PHLPP2: variants seen among roughly 807,000 people sequenced by gnomAD.
PHLPP2 encodes the protein PH domain and leucine rich repeat protein phosphatase 2, also known as PH domain leucine-rich repeat-containing protein phosphatase 2.
PHLPP2 carries 66 observed loss-of-function variants against 124.9 expected under a neutral mutation model. The ratio of observed to expected loss-of-function variants is 0.53; its 90% CI spans 0.43 to 0.65. PHLPP2 has a LOEUF of 0.65. Ranked by LOEUF, PHLPP2 falls within the 30% of genes least tolerant of loss-of-function variation. The pLI, the probability that PHLPP2 is intolerant of heterozygous loss-of-function variation, is 0.00. For missense variants in PHLPP2, 1,685 were observed against 1,600.4 expected (o/e 1.05, Z -0.90); for synonymous variants, 681 against 624.7 (o/e 1.09, Z -1.34).
chr16:71,676,326 C>T (rs574876713), intron 9 of PHLPP2, 121 bp downstream of exon 9: 141 of 698,590 alleles, frequency 2.0e-4, no homozygotes, highest in Non-Finnish European at 1.8e-4. Context: ...AAAGCTTTGC[C>T]TCAATGAGCC....
chr16:71,677,061 A>G (rs2044953397), intron 8 of PHLPP2: 1 of 204,592 alleles, frequency 4.9e-6, no homozygotes, highest in Non-Finnish European at 1.0e-5. Context: ...TCTGTTTCCT[A>G]AACAACTTAA....
At chr16:71,668,287 G>A (rs1028447396) in intron 11 of PHLPP2, among the ~76,000 whole-genome samples, 3 of 151,806 alleles carry the variant, frequency 2.0e-5, no homozygotes, top group African/African-American at 7.3e-5. Flanking sequence ...GTGGCAGCAT[G>A]TGCCTGTAGT....
chr16:71,657,884 C>A (rs1486835135), intron 15 of PHLPP2, among the ~76,000 whole-genome samples: 1 of 152,088 alleles, frequency 6.6e-6, no homozygotes, highest in East Asian at 1.9e-4. Context: ...TTTAGCCAAC[C>A]ATCTATTTAT....
intron 6 of PHLPP2, among the ~76,000 whole-genome samples, chr16:71,679,939 C>A (rs189301472): frequency 6.6e-6 from 1 of 151,954 alleles, no homozygotes; most frequent in South Asian, 2.1e-4. Context: ...AAAAATTAGC[C>A]GGGCGTGGTG....
chr16:71,687,864 T>C (rs2045068432), intron 4 of PHLPP2, among the ~76,000 whole-genome samples: 1 of 152,228 alleles, frequency 6.6e-6, no homozygotes, highest in African/African-American at 2.4e-5. Context: ...ATTAGATGTA[T>C]ACCAGAGCCT....
At chr16:71,654,648 T>A (rs1389952248) in intron 17 of PHLPP2, among the ~76,000 whole-genome samples, 1 of 152,202 alleles carries the variant, frequency 6.6e-6, no homozygotes, top group African/African-American at 2.4e-5. Flanking sequence ...TAACGTAGGC[T>A]AGGTGAAGCC....
At chr16:71,706,555 T>A (rs1232933065) in intron 2 of PHLPP2, among the ~76,000 whole-genome samples, 1 of 152,150 alleles carries the variant, frequency 6.6e-6, no homozygotes, top group East Asian at 1.9e-4. Flanking sequence ...AAAGGTAAAA[T>A]CTGCAAATGT....
chr16:71,679,241 T>C, intron 7 of PHLPP2, 148 bp downstream of exon 7: 1 of 714,386 alleles, frequency 1.4e-6, no homozygotes. Context: ...CAGGTATATC[T>C]CTGAGGTCAA....
At chr16:71,672,687 A>C (rs968315044) in intron 9 of PHLPP2, among the ~76,000 whole-genome samples, 1 of 152,246 alleles carries the variant, frequency 6.6e-6, no homozygotes, top group African/African-American at 2.4e-5. Flanking sequence ...GAGTGCAACA[A>C]TTCAGTAAAT....
In PHLPP2 at chr16:71,679,090, C is replaced by T. The variant is rs142980020; in HGVS notation, c.1038-105G>A. On this transcript the variant is annotated intron_variant, in intron 7 of 18. Coordinates refer to ENST00000568954, the MANE Select transcript of PHLPP2 (RefSeq NM_015020.3). ...TTATGTCACTAATTTATTATCAATC[C>T]CAAAATAGTAAAGTGTCCTAACTCT... is the stretch of plus-strand genomic sequence containing the variant. 9.8e-4 allele frequency: 676 copies of T among 686,436 alleles called. 1 individual carries two copies. The African/African-American group carries it at 0.011, about 11-fold the overall frequency. The allele number at this position is 686,436 out of a possible 1,614,324, so 42.5% of individuals were successfully genotyped here. A position where few individuals can be genotyped will look rare whatever the true frequency, so the allele number is the denominator to read the frequency against.
At chr16:71,707,413 T>C (rs2045284067) in intron 2 of PHLPP2, among the ~76,000 whole-genome samples, 1 of 152,034 alleles carries the variant, frequency 6.6e-6, no homozygotes, top group African/African-American at 2.4e-5. Flanking sequence ...CAGTTTATGC[T>C]AAGAGATGAG....
chr16:71,655,042 A>C, intron 17 of PHLPP2, 198 bp downstream of exon 17: 1 of 519,042 alleles, frequency 1.9e-6, no homozygotes, highest in Non-Finnish European at 3.4e-6. Context: ...AACAGAGAAA[A>C]CAGATGACCC....
At chr16:71,683,632 GC>G (rs1173693682) in intron 5 of PHLPP2, among the ~76,000 whole-genome samples, 1 of 152,132 alleles carries the variant, frequency 6.6e-6, no homozygotes, top group East Asian at 1.9e-4. Flanking sequence ...AAATGCACCT[GC>G]AAACATTTTT....
chr16:71,715,053 G>C, intron 1 of PHLPP2: 1 of 495,252 alleles, frequency 2.0e-6, no homozygotes, highest in Non-Finnish European at 3.6e-6. Flanking sequence ...TCAGAAACGT[G>C]TCAAGAATAA....
At chr16:71,660,895 T>C (rs567350582) in intron 13 of PHLPP2, among the ~76,000 whole-genome samples, 1 of 152,132 alleles carries the variant, frequency 6.6e-6, no homozygotes, top group Admixed American at 6.6e-5. Flanking sequence ...ACAAACAAGA[T>C]TTCTATTGTG....
rs1013040928 is a variant in PHLPP2 at position 71,646,405 on chromosome 16, T to C, written c.*2485A>G. On this transcript the variant is annotated 3_prime_UTR_variant, in exon 19 of 19. Coordinates refer to ENST00000568954, the MANE Select transcript of PHLPP2 (RefSeq NM_015020.3). ...AAAAATTCTACCACACAGAACAACA[T>C]TTGGAATTACAGAGTTCTGCTGACT... is the stretch of plus-strand genomic sequence containing the variant. 5.9e-5 allele frequency: 9 copies of C among 152,148 alleles called. No homozygotes were observed. The highest frequency in any genetic ancestry group is 5.2e-4 in the Admixed American group (8 of 15,264). The allele number at this position is 152,148 out of a possible 1,614,324, so 9.4% of individuals were successfully genotyped here.
intron 6 of PHLPP2, among the ~76,000 whole-genome samples, chr16:71,681,506 G>C (rs945280210): frequency 6.6e-6 from 1 of 152,100 alleles, no homozygotes; most frequent in African/African-American, 2.4e-5. Context: ...TCATACATCG[G>C]TGTCAATGAT....
At chr16:71,723,911 G>T (rs1256667228) in intron 1 of PHLPP2, 12 of 812,418 alleles carry the variant, frequency 1.5e-5, no homozygotes, top group East Asian at 5.7e-5. Context: ...GCGCGACGGC[G>T]TGCGGAGCCT....
chr16:71,719,615 A>G (rs77598526), intron 1 of PHLPP2, among the ~76,000 whole-genome samples: 4 of 144,720 alleles, frequency 2.8e-5, no homozygotes, highest in Non-Finnish European at 6.1e-5. Context: ...ACTATTCTTG[A>G]AAAAAAAAAA....
Sources: gnomAD v4.1 joint callset for allele counts (sites outside exome capture counted in the v4.1 genomes callset) on GRCh38, gnomAD v4.1.1 for gene constraint, MANE v1.5 for transcripts, NCBI Gene and HGNC (gene_info 2026-07-23, HGNC 2026-07-21) for gene names.